Variants in ZBBX observed in about 807,000 individuals in gnomAD.
The protein encoded by ZBBX is zinc finger B-box domain-containing protein 1.
Under a neutral mutation model 108.5 loss-of-function variants are expected in ZBBX, and 101 were observed. The observed-to-expected ratio is 0.93, with a 90% CI of 0.79 to 1.10. The LOEUF is 1.10. Ranked by LOEUF, ZBBX falls within the 50% of genes least tolerant of loss-of-function variation. The pLI, the probability that ZBBX is intolerant of heterozygous loss-of-function variation, is 0.00. For synonymous variants in ZBBX, 356 were observed against 323.4 expected (o/e 1.10, Z -1.08); for missense variants, 1,009 against 941.4 (o/e 1.07, Z -0.94).
chr3:167,183,697 A>T, the ZBBX span, among the ~76,000 whole-genome samples: 1 of 152,204 alleles, frequency 6.6e-6, no homozygotes, highest in Non-Finnish European at 1.5e-5. Flanking sequence ...GGCACAGATC[A>T]CTCATGCTAT....
At chr3:167,351,508 C>T (rs1742643086) in intron 8 of ZBBX, among the ~76,000 whole-genome samples, 1 of 152,114 alleles carries the variant, frequency 6.6e-6, no homozygotes, top group Non-Finnish European at 1.5e-5. Flanking sequence ...GTCACTGGGA[C>T]CTGGACCCAG....
chr3:167,348,368 GAAA>G, intron 9 of ZBBX, among the ~76,000 whole-genome samples: 1 of 111,656 alleles, frequency 9.0e-6, no homozygotes, highest in Non-Finnish European at 1.9e-5. Flanking sequence ...AAGAAAGAAA[GAAA>G]AAAAAGAAAA....
chr3:167,180,494 CA>C, the ZBBX span, among the ~76,000 whole-genome samples: 1 of 152,208 alleles, frequency 6.6e-6, no homozygotes, highest in East Asian at 1.9e-4. Context: ...ATAATTAAAC[CA>C]GTGTGAAAAA....
the ZBBX span, among the ~76,000 whole-genome samples, chr3:167,199,122 A>T: frequency 0.023 from 3,513 of 152,276 alleles, 53 homozygotes; most frequent in Non-Finnish European, 0.034. Context: ...GAGAAGCAGG[A>T]GAAGCATTAA....
chr3:167,222,781 G>A, the ZBBX span, among the ~76,000 whole-genome samples: 1 of 151,976 alleles, frequency 6.6e-6, no homozygotes, highest in South Asian at 2.1e-4. Flanking sequence ...AGACACCAGA[G>A]GCTGACAAGG....
At chr3:167,329,193 T>C (rs779180222) in intron 10 of ZBBX, among the ~76,000 whole-genome samples, 7 of 152,184 alleles carry the variant, frequency 4.6e-5, no homozygotes, top group Non-Finnish European at 1.0e-4. Flanking sequence ...TTGGAAGCTA[T>C]GCAGTGAATC....
At chr3:167,327,157 G>A (rs4955605) in intron 11 of ZBBX, among the ~76,000 whole-genome samples, 126,446 of 150,312 alleles carry the variant, frequency 0.84, 53,445 homozygotes, top group African/African-American at 0.94. Flanking sequence ...AAAAAAGAAC[G>A]AAAAGTAGTT....
At position 167,349,952 on chromosome 3, in the gene ZBBX, C is replaced by T. The variant is rs375972728; in HGVS notation, c.528+468G>A. 1.3e-4 allele frequency among the ~76,000 whole-genome samples: 19 copies of T among 151,842 alleles called. 1 individual carries two copies. In the South Asian group the frequency reaches 4.0e-3, roughly 32 times the overall value. On this transcript the variant is annotated intron_variant, in intron 9 of 21. Transcript: ENST00000675490. ...GATTATATAAGGATAAACAAAAGGT[C>T]CTTATATGTACAGAAGGAAAAATAG...
At position 167,325,347 on chromosome 3, in the gene ZBBX, C is replaced by T. The variant is rs543442328; in HGVS notation, c.862+2595G>A. Among the ~76,000 whole-genome samples the T allele has an allele frequency of 2.2e-4, 34 of 152,234 alleles. 1 individual carries two copies. The South Asian group carries it at 6.8e-3, about 31-fold the overall frequency. The stretch of plus-strand genomic sequence containing the variant: ...AAAGGAAGAGCAAAGAGACTTCTTA[C>T]ATGGTGGTGGGCAAGAGAGAGCTTG... On this transcript the variant is annotated intron_variant, in intron 11 of 21. Transcript: ENST00000675490.
chr3:167,204,046 A>G, the ZBBX span, among the ~76,000 whole-genome samples: 3 of 152,162 alleles, frequency 2.0e-5, no homozygotes, highest in Non-Finnish European at 4.4e-5. Context: ...GACAACAGAC[A>G]ATGTACTGAA....
At chr3:167,217,888 ACTAT>A in the ZBBX span, among the ~76,000 whole-genome samples, 1 of 122,202 alleles carries the variant, frequency 8.2e-6, no homozygotes, top group Non-Finnish European at 1.7e-5. Context: ...GCATGTTCTC[ACTAT>A]TTTTTTTTTT....
chr3:167,187,520 C>A, the ZBBX span, among the ~76,000 whole-genome samples: 2,008 of 152,184 alleles, frequency 0.013, 53 homozygotes, highest in African/African-American at 0.046. Flanking sequence ...TTCAGAGGAT[C>A]TAGAATCAAA....
At chr3:167,327,187 T>C (rs1737549632) in intron 11 of ZBBX, among the ~76,000 whole-genome samples, 2 of 150,106 alleles carry the variant, frequency 1.3e-5, no homozygotes, top group African/African-American at 4.9e-5. Context: ...ACAAAAACAA[T>C]GAGAACGCAA....
downstream of ZBBX, among the ~76,000 whole-genome samples, chr3:167,238,495 T>C (rs1343050259): frequency 1.3e-5 from 2 of 152,078 alleles, no homozygotes; most frequent in African/African-American, 4.8e-5. Flanking sequence ...TTCATAATTT[T>C]CTATTCTGTC....
chr3:167,370,976 T>C (rs1402571687), intron 4 of ZBBX, among the ~76,000 whole-genome samples: 1 of 152,104 alleles, frequency 6.6e-6, no homozygotes, highest in Admixed American at 6.6e-5. Flanking sequence ...TGAAATGGTT[T>C]AGGGGCTGAG....
At chr3:167,258,698 G>T (rs1723948028) in intron 20 of ZBBX, among the ~76,000 whole-genome samples, 1 of 152,134 alleles carries the variant, frequency 6.6e-6, no homozygotes, top group Non-Finnish European at 1.5e-5. Flanking sequence ...GCTGGATTTT[G>T]TTGAATGCTT....
chr3:167,342,594 T>C (rs13085719), intron 9 of ZBBX, among the ~76,000 whole-genome samples: 53,155 of 151,526 alleles, frequency 0.35, 10,010 homozygotes, highest in Non-Finnish European at 0.43. Context: ...AGAACTCATT[T>C]ATATTGCTAA....
At chr3:167,223,898 G>A in the ZBBX span, among the ~76,000 whole-genome samples, 1 of 151,780 alleles carries the variant, frequency 6.6e-6, no homozygotes, top group Non-Finnish European at 1.5e-5. Flanking sequence ...ATTTCTCTAC[G>A]GTAGTTAATT....
At chr3:167,321,777 T>C (rs1008773121) in intron 12 of ZBBX, among the ~76,000 whole-genome samples, 88 of 152,198 alleles carry the variant, frequency 5.8e-4, no homozygotes, top group African/African-American at 1.9e-3. Context: ...GTCTCAAATG[T>C]TAGTGCTAAT....
Sources: gnomAD v4.1 joint callset for allele counts (sites outside exome capture counted in the v4.1 genomes callset) on GRCh38, gnomAD v4.1.1 for gene constraint, MANE v1.5 for transcripts, NCBI Gene and HGNC (gene_info 2026-07-23, HGNC 2026-07-21) for gene names.